KLRG1: variants seen among roughly 807,000 people sequenced by gnomAD.
KLRG1 encodes the protein killer cell lectin-like receptor subfamily G member 1.
KLRG1 carries 16 observed loss-of-function variants against 21.8 expected under a neutral mutation model. That is an observed-to-expected ratio of 0.73 (90% CI 0.50 to 1.11). The LOEUF is 1.11. Ranked by LOEUF, KLRG1 falls within the 50% of genes most tolerant of loss-of-function variation. KLRG1 has a pLI of 0.00. For synonymous variants in KLRG1, 69 were observed against 75.9 expected (o/e 0.91, Z 0.47); for missense variants, 173 against 218.3 (o/e 0.79, Z 1.31).
At chr12:9,027,614 TCCA>T in the KLRG1 span, 1 of 871,896 alleles carries the variant, frequency 1.1e-6, no homozygotes, top group Non-Finnish European at 1.9e-6. Flanking sequence ...AGCATTGGCC[TCCA>T]CCACCACAGG....
At chr12:8,994,749 C>G (rs762224308) in intron 2 of KLRG1, among the ~76,000 whole-genome samples, 1 of 152,192 alleles carries the variant, frequency 6.6e-6, no homozygotes, top group Admixed American at 6.5e-5. Context: ...TACACAGATG[C>G]ATATCATATG....
chr12:9,091,060 GA>G, the KLRG1 span: 1 of 1,092,542 alleles, frequency 9.2e-7, no homozygotes, highest in African/African-American at 1.6e-5. Context: ...GGTATTTGGA[GA>G]TCTCAAAACC....
At chr12:9,069,824 T>C in the KLRG1 span, 104 of 1,612,672 alleles carry the variant, frequency 6.4e-5, no homozygotes, top group Non-Finnish European at 8.5e-5. Context: ...CTGAAGAAAA[T>C]TGAAATACCA....
At chr12:8,973,901 GA>G (rs1287123039) in intron 1 of KLRG1, among the ~76,000 whole-genome samples, 1 of 151,868 alleles carries the variant, frequency 6.6e-6, no homozygotes, top group African/African-American at 2.4e-5. Context: ...TTTGTATGTT[GA>G]TTTTGTATTC....
chr12:9,098,347 T>C, the KLRG1 span: 1 of 192,312 alleles, frequency 5.2e-6, no homozygotes, highest in Admixed American at 6.1e-5. Context: ...TTAATTTTCA[T>C]CACATTTTGT....
the KLRG1 span, among the ~76,000 whole-genome samples, chr12:9,136,500 G>A: frequency 6.6e-6 from 1 of 151,976 alleles, no homozygotes; most frequent in Admixed American, 6.6e-5. Context: ...TTTAAAAAAG[G>A]CAATATTCCA....
At chr12:9,132,802 G>A in the KLRG1 span, among the ~76,000 whole-genome samples, 1 of 152,024 alleles carries the variant, frequency 6.6e-6, no homozygotes, top group African/African-American at 2.4e-5. Context: ...TTGAGGTAAA[G>A]GACACAATTT....
At chr12:9,193,825 A>C in the KLRG1 span, among the ~76,000 whole-genome samples, 4 of 152,192 alleles carry the variant, frequency 2.6e-5, no homozygotes, top group African/African-American at 7.2e-5. Context: ...TCACGACCCA[A>C]ATCAAATAAG....
chr12:9,197,527 TATTA>T, the KLRG1 span, among the ~76,000 whole-genome samples: 7 of 125,226 alleles, frequency 5.6e-5, no homozygotes, highest in East Asian at 2.1e-4. Context: ...TGAAAATAAT[TATTA>T]ATTATTAGAG....
the KLRG1 span, among the ~76,000 whole-genome samples, chr12:9,134,029 A>C: frequency 6.6e-6 from 1 of 152,186 alleles, no homozygotes; most frequent in Non-Finnish European, 1.5e-5. Context: ...TTGTCCTAGG[A>C]AGTATAGATT....
the KLRG1 span, among the ~76,000 whole-genome samples, chr12:9,198,663 A>G: frequency 1.3e-5 from 2 of 152,166 alleles, no homozygotes; most frequent in African/African-American, 4.8e-5. Flanking sequence ...CCTTTCTCTG[A>G]TTAGATAATG....
At chr12:9,089,026 T>C in the KLRG1 span, among the ~76,000 whole-genome samples, 2 of 152,240 alleles carry the variant, frequency 1.3e-5, no homozygotes, top group East Asian at 3.8e-4. Context: ...GGCCTAGGGA[T>C]ATTCTGATCA....
At chr12:8,958,074 T>A (rs906548404) in intron 1 of KLRG1, among the ~76,000 whole-genome samples, 1 of 152,158 alleles carries the variant, frequency 6.6e-6, no homozygotes, top group Non-Finnish European at 1.5e-5. Flanking sequence ...TATTTTTAAA[T>A]TTTTTTAGAG....
chr12:9,016,832 T>C, the KLRG1 span, among the ~76,000 whole-genome samples: 1 of 152,000 alleles, frequency 6.6e-6, no homozygotes, highest in Non-Finnish European at 1.5e-5. Context: ...CAGACTGGTC[T>C]TGAACTCTAG....
chr12:9,026,021 A>C, the KLRG1 span, among the ~76,000 whole-genome samples: 29 of 152,358 alleles, frequency 1.9e-4, no homozygotes, highest in Non-Finnish European at 3.2e-4. Flanking sequence ...TGGGTGAGGC[A>C]GGGGGCCGAA....
the KLRG1 span, chr12:9,165,037 TC>T: frequency 7.3e-7 from 1 of 1,379,060 alleles, no homozygotes; most frequent in Non-Finnish European, 1.0e-6. Flanking sequence ...TAACACACAA[TC>T]CCTTGAATTA....
At chr12:8,995,649 C>G (rs888354273) in intron 3 of KLRG1, among the ~76,000 whole-genome samples, 5 of 151,046 alleles carry the variant, frequency 3.3e-5, no homozygotes, top group East Asian at 2.0e-4. Flanking sequence ...AGTCTTAGGT[C>G]CGGAAACCTA....
the KLRG1 span, chr12:9,157,293 C>T: frequency 6.2e-7 from 1 of 1,613,956 alleles, no homozygotes; most frequent in Non-Finnish European, 8.5e-7. Flanking sequence ...TCCCATGGGT[C>T]CCCTCCTTTG....
chr12:9,157,264 G>A, the KLRG1 span: 1 of 1,614,140 alleles, frequency 6.2e-7, no homozygotes, highest in Non-Finnish European at 8.5e-7. Flanking sequence ...GGCCAGCAAT[G>A]CCTTGGTGTA....
Sources: gnomAD v4.1 joint callset for allele counts (sites outside exome capture counted in the v4.1 genomes callset) on GRCh38, gnomAD v4.1.1 for gene constraint, MANE v1.5 for transcripts, NCBI Gene and HGNC (gene_info 2026-07-23, HGNC 2026-07-21) for gene names.